Variants in CTNNA3 observed in about 807,000 individuals in gnomAD.
CTNNA3 encodes catenin alpha-3.
In CTNNA3, 76 loss-of-function variants were observed where a neutral mutation model predicts 95.7. The ratio of observed to expected loss-of-function variants is 0.79; its 90% CI spans 0.66 to 0.96. CTNNA3 has a LOEUF of 0.96. Among genes scored for constraint, CTNNA3 ranks in the 40% least tolerant of loss-of-function variants. The pLI, the probability that CTNNA3 is intolerant of heterozygous loss-of-function variation, is 0.00. For synonymous variants in CTNNA3, 431 were observed against 374.4 expected (o/e 1.15, Z -1.74); for missense variants, 1,191 against 1,089.8 (o/e 1.09, Z -1.31).
chr10:67,200,316 A>G (rs1393259885), intron 6 of CTNNA3, among the ~76,000 whole-genome samples: 1 of 152,236 alleles, frequency 6.6e-6, no homozygotes, highest in Non-Finnish European at 1.5e-5. Context: ...CATGAATAAA[A>G]AAATAGAAAT....
chr10:67,056,642 C>T (rs1328088930), intron 7 of CTNNA3, among the ~76,000 whole-genome samples: 4 of 151,882 alleles, frequency 2.6e-5, no homozygotes, highest in East Asian at 1.9e-4. Context: ...AATTAAGTGG[C>T]GACAGAAAAA....
chr10:67,447,434 A>G (rs113855628), intron 5 of CTNNA3, among the ~76,000 whole-genome samples: 2,661 of 152,316 alleles, frequency 0.017, 86 homozygotes, highest in African/African-American at 0.059. Flanking sequence ...TGTGAAGAGC[A>G]TATCTGGGTT....
intron 13 of CTNNA3, among the ~76,000 whole-genome samples, chr10:66,168,909 G>T (rs2085277454): frequency 6.6e-6 from 1 of 152,134 alleles, no homozygotes; most frequent in Non-Finnish European, 1.5e-5. Context: ...TCAAAGATAT[G>T]ATTTCTTCCC....
intron 5 of CTNNA3, among the ~76,000 whole-genome samples, chr10:67,373,155 C>T (rs1004292441): frequency 6.6e-6 from 1 of 152,110 alleles, no homozygotes; most frequent in African/African-American, 2.4e-5. Flanking sequence ...GGGCTAAATG[C>T]TCCAATTAAA....
chr10:66,344,101 C>T (rs1232008425), intron 12 of CTNNA3, among the ~76,000 whole-genome samples: 1 of 150,914 alleles, frequency 6.6e-6, no homozygotes, highest in African/African-American at 2.4e-5. Flanking sequence ...GTGGCGGTTG[C>T]CTGTAATCCT....
chr10:67,408,929 C>A (rs541186391), intron 5 of CTNNA3, among the ~76,000 whole-genome samples: 5 of 119,422 alleles, frequency 4.2e-5, no homozygotes, highest in Admixed American at 8.4e-5. Context: ...AAGGACTGAA[C>A]AGACACTTCT....
At chr10:66,006,824 G>T (rs1359116424) in intron 15 of CTNNA3, among the ~76,000 whole-genome samples, 2 of 152,112 alleles carry the variant, frequency 1.3e-5, no homozygotes, top group Admixed American at 1.3e-4. Flanking sequence ...TCTTATTCTG[G>T]TCATGGCATA....
intron 1 of CTNNA3, among the ~76,000 whole-genome samples, chr10:67,680,248 G>T (rs1840602548): frequency 6.6e-6 from 1 of 152,180 alleles, no homozygotes; most frequent in East Asian, 1.9e-4. Context: ...TCAAGCAGAG[G>T]CCAAGTGAAG....
chr10:66,581,368 A>G (rs1221928833), intron 10 of CTNNA3, among the ~76,000 whole-genome samples: 2 of 151,010 alleles, frequency 1.3e-5, no homozygotes, highest in African/African-American at 2.4e-5. Context: ...CCAGCAGCAT[A>G]TAAGTGTTCC....
intron 9 of CTNNA3, among the ~76,000 whole-genome samples, chr10:66,750,440 C>T (rs1839086177): frequency 6.6e-6 from 1 of 152,160 alleles, no homozygotes; most frequent in African/African-American, 2.4e-5. Flanking sequence ...ATTTGGATGT[C>T]CAGTTGTTTC....
intron 15 of CTNNA3, among the ~76,000 whole-genome samples, chr10:66,007,973 C>A (rs1448159011): frequency 6.6e-6 from 1 of 151,932 alleles, no homozygotes; most frequent in African/African-American, 2.4e-5. Context: ...TACAACAGAT[C>A]TATTTCATTT....
chr10:67,409,377 C>T (rs1306094214), intron 5 of CTNNA3, among the ~76,000 whole-genome samples: 2 of 152,130 alleles, frequency 1.3e-5, no homozygotes, highest in Non-Finnish European at 2.9e-5. Flanking sequence ...AAATATAGTA[C>T]ACATACACTA....
intron 13 of CTNNA3, among the ~76,000 whole-genome samples, chr10:66,199,785 ATATATATATATATATATATATTTTTTT>A (rs1564755902): frequency 3.6e-4 from 4 of 11,036 alleles, no homozygotes; most frequent in Non-Finnish European, 6.5e-4. Context: ...ATATATATAT[ATATATATATATATATATATATTTTTTT>A]TTTTTTTTTT....
At chr10:65,956,238 C>T (rs1023485352) in intron 17 of CTNNA3, among the ~76,000 whole-genome samples, 1 of 152,036 alleles carries the variant, frequency 6.6e-6, no homozygotes, top group African/African-American at 2.4e-5. Context: ...GGTGAGATCC[C>T]CTTTATCATT....
intron 15 of CTNNA3, among the ~76,000 whole-genome samples, chr10:66,023,309 A>G (rs2079261387): frequency 6.6e-6 from 1 of 152,188 alleles, no homozygotes; most frequent in South Asian, 2.1e-4. Flanking sequence ...ACAACTTTGC[A>G]TTTAGTAAAC....
chr10:66,263,860 T>A (rs1367155028), intron 13 of CTNNA3, among the ~76,000 whole-genome samples: 4 of 152,000 alleles, frequency 2.6e-5, no homozygotes, highest in African/African-American at 7.2e-5. Flanking sequence ...TTTCTTGTTA[T>A]CTTTTTAAGT....
At chr10:66,531,204 T>G (rs1428193065) in intron 10 of CTNNA3, among the ~76,000 whole-genome samples, 1 of 152,182 alleles carries the variant, frequency 6.6e-6, no homozygotes, top group South Asian at 2.1e-4. Context: ...ACGTAGGGTT[T>G]GTAGACTAAT....
chr10:66,682,034 A>G (rs77037598), intron 9 of CTNNA3, among the ~76,000 whole-genome samples: 4 of 152,344 alleles, frequency 2.6e-5, no homozygotes, highest in Non-Finnish European at 5.9e-5. Context: ...GGTCCTTTGT[A>G]GTGAGTGTCA....
intron 17 of CTNNA3, among the ~76,000 whole-genome samples, chr10:65,921,890 G>A (rs2077092388): frequency 1.3e-5 from 2 of 152,304 alleles, no homozygotes; most frequent in South Asian, 4.1e-4. Context: ...AATGTCAAGA[G>A]TTTGGTTCCA....
Sources: allele counts gnomAD v4.1 joint callset (sites outside exome capture counted in the v4.1 genomes callset), GRCh38; gene constraint gnomAD v4.1.1; transcripts MANE v1.5; gene names NCBI Gene and HGNC (gene_info 2026-07-23, HGNC 2026-07-21).